The following STK39 variants were observed in gnomAD, a reference collection of about 807,000 sequenced individuals.
The protein encoded by STK39 is serine/threonine kinase 39, also known as STE20/SPS1-related proline-alanine-rich protein kinase.
Under a neutral mutation model 77.8 loss-of-function variants are expected in STK39, and 20 were observed. That is an observed-to-expected ratio of 0.26 (90% CI 0.18 to 0.37). The LOEUF is 0.37. Ranked by LOEUF, STK39 falls within the 10% of genes least tolerant of loss-of-function variation. The pLI is 1.00. For synonymous variants in STK39, 246 were observed against 234.1 expected, an observed-to-expected ratio of 1.05 and a Z score of -0.47; for missense variants, 479 against 656.5, an observed-to-expected ratio of 0.73 and a Z score of 2.95.
At chr2:168,166,766 G>A (rs1025141025) in intron 3 of STK39, among the ~76,000 whole-genome samples, 2 of 152,162 alleles carry the variant, frequency 1.3e-5, no homozygotes, top group African/African-American at 2.4e-5. Context: ...AAAGTAGATA[G>A]CAGCACCTCA....
At position 168,146,341 on chromosome 2, in the gene STK39, G is replaced by A. The variant is rs184946489; in HGVS notation, c.629-5583C>T. On this transcript the variant is annotated intron_variant, in intron 5 of 17. Coordinates refer to ENST00000355999, the MANE Select transcript of STK39 (RefSeq NM_013233.3). ...GCCTCACCTACCTCAAACTTCTACA[G>A]TATCTGCTATTCTCTTTGAAAAGGA... Among the ~76,000 whole-genome samples the A allele has an allele frequency of 3.4e-4, 52 of 152,318 alleles. No individual in the cohort carries two copies. The East Asian group carries it at 8.9e-3, about 26-fold the overall frequency.
At chr2:168,101,555 T>G (rs964681788) in intron 10 of STK39, among the ~76,000 whole-genome samples, 2 of 151,996 alleles carry the variant, frequency 1.3e-5, no homozygotes, top group Non-Finnish European at 2.9e-5. Flanking sequence ...CTGGCCAACA[T>G]GGTGAAACCC....
At chr2:168,134,992 A>C (rs1389628325) in intron 8 of STK39, among the ~76,000 whole-genome samples, 1 of 152,190 alleles carries the variant, frequency 6.6e-6, no homozygotes, top group East Asian at 1.9e-4. Context: ...TTTATGAAAC[A>C]TTCTTCAACG....
At chr2:168,165,992 G>A (rs982529282) in intron 3 of STK39, among the ~76,000 whole-genome samples, 1 of 152,180 alleles carries the variant, frequency 6.6e-6, no homozygotes, top group Non-Finnish European at 1.5e-5. Context: ...GGTATGCTGG[G>A]TGTTCCCAAG....
chr2:168,215,058 G>A (rs534992035), intron 1 of STK39, among the ~76,000 whole-genome samples: 5 of 152,280 alleles, frequency 3.3e-5, no homozygotes, highest in East Asian at 1.9e-4. Flanking sequence ...CCGTATTTGC[G>A]CTGACCTTAT....
chr2:168,163,371 C>T (rs1037905366), intron 4 of STK39, among the ~76,000 whole-genome samples: 1 of 152,166 alleles, frequency 6.6e-6, no homozygotes, highest in Non-Finnish European at 1.5e-5. Context: ...AGAGTAGTTA[C>T]CAAAACTGAT....
intron 10 of STK39, among the ~76,000 whole-genome samples, chr2:168,110,700 AT>A (rs1408891452): frequency 6.6e-6 from 1 of 152,072 alleles, no homozygotes; most frequent in Non-Finnish European, 1.5e-5. Context: ...GATTCCCTTT[AT>A]CATTTGTCTA....
intron 10 of STK39, among the ~76,000 whole-genome samples, chr2:168,109,612 C>T (rs1032137270): frequency 3.3e-5 from 5 of 152,158 alleles, no homozygotes; most frequent in Admixed American, 2.0e-4. Flanking sequence ...ACAGAAATAA[C>T]TTTTACAGGA....
intron 10 of STK39, among the ~76,000 whole-genome samples, chr2:168,114,158 T>C (rs1157549401): frequency 1.3e-5 from 2 of 152,286 alleles, no homozygotes; most frequent in Admixed American, 6.5e-5. Flanking sequence ...TCTAGGACTG[T>C]GTATGTTGGC....
chr2:168,247,036 T>C (rs1227651193), intron 1 of STK39, among the ~76,000 whole-genome samples, 192 bp downstream of exon 1: 51 of 83,922 alleles, frequency 6.1e-4, no homozygotes, highest in Non-Finnish European at 9.9e-4. Flanking sequence ...CCAACGCTCA[T>C]AGAACGAACA....
chr2:168,015,881 T>G (rs894432129), intron 15 of STK39, among the ~76,000 whole-genome samples: 5 of 152,196 alleles, frequency 3.3e-5, no homozygotes, highest in Non-Finnish European at 5.9e-5. Flanking sequence ...TTGTCAAAGA[T>G]GGATACCTCC....
At chr2:168,132,300 A>T (rs979332571) in intron 8 of STK39, among the ~76,000 whole-genome samples, 1 of 152,118 alleles carries the variant, frequency 6.6e-6, no homozygotes, top group Admixed American at 6.6e-5. Context: ...TGGCTAATAT[A>T]GTTAAATAAA....
At chr2:168,028,380 T>G (rs892671469) in intron 14 of STK39, among the ~76,000 whole-genome samples, 4 of 152,206 alleles carry the variant, frequency 2.6e-5, no homozygotes, top group African/African-American at 9.6e-5. Flanking sequence ...AGAGAACAGG[T>G]CATTGTGTAA....
At chr2:168,012,022 G>A (rs1403610470) in intron 16 of STK39, among the ~76,000 whole-genome samples, 5 of 152,130 alleles carry the variant, frequency 3.3e-5, no homozygotes, top group Non-Finnish European at 2.9e-5. Context: ...CCATGCTTTA[G>A]TGCACAGAAT....
chr2:168,119,369 C>G, intron 10 of STK39, among the ~76,000 whole-genome samples: 1 of 152,128 alleles, frequency 6.6e-6, no homozygotes, highest in African/African-American at 2.4e-5. Context: ...TAGCTTGAGA[C>G]CACAAAATAC....
At chr2:168,114,553 T>A (rs1330995941) in intron 10 of STK39, among the ~76,000 whole-genome samples, 1 of 152,204 alleles carries the variant, frequency 6.6e-6, no homozygotes. Flanking sequence ...TGTGATTACA[T>A]GAGGTTCAAA....
chr2:167,990,212 G>T (rs1683665483), intron 16 of STK39, among the ~76,000 whole-genome samples: 1 of 152,184 alleles, frequency 6.6e-6, no homozygotes, highest in African/African-American at 2.4e-5. Context: ...GCCTGCAGTG[G>T]CCTGGTACCT....
chr2:168,154,744 C>T (rs1324931641), intron 5 of STK39, among the ~76,000 whole-genome samples: 1 of 152,100 alleles, frequency 6.6e-6, no homozygotes, highest in East Asian at 1.9e-4. Context: ...CCATTGCTTA[C>T]CACTGTGTCA....
At chr2:167,999,782 T>TTGAA (rs1683948761) in intron 16 of STK39, among the ~76,000 whole-genome samples, 2 of 152,138 alleles carry the variant, frequency 1.3e-5, no homozygotes, top group Non-Finnish European at 2.9e-5. Context: ...GCTTTATTTA[T>TTGAA]TGAATGAATG....
Sources: allele counts gnomAD v4.1 joint callset (sites outside exome capture counted in the v4.1 genomes callset), GRCh38; gene constraint gnomAD v4.1.1; transcripts MANE v1.5; gene names NCBI Gene and HGNC (gene_info 2026-07-23, HGNC 2026-07-21).